The following OPRL1 variants were observed in gnomAD, a reference collection of about 807,000 sequenced individuals.
OPRL1 encodes the protein opioid related nociceptin receptor 1.
OPRL1 carries 5 observed loss-of-function variants against 15.5 expected under a neutral mutation model. The ratio of observed to expected loss-of-function variants is 0.32; its 90% CI spans 0.17 to 0.68. The LOEUF is 0.68. Among genes scored for constraint, OPRL1 ranks in the 30% least tolerant of loss-of-function variants. The pLI is 0.72. For synonymous variants in OPRL1, 223 were observed against 230.2 expected (o/e 0.97, Z 0.28); for missense variants, 406 against 515.3 (o/e 0.79, Z 2.05).
intron 3 of OPRL1, among the ~76,000 whole-genome samples, chr20:64,093,330 G>A (rs1313722324): frequency 6.7e-6 from 1 of 149,742 alleles, no homozygotes; most frequent in Non-Finnish European, 1.5e-5. Context: ...GAAGGGAGGC[G>A]CAGGGGCTGG....
chr20:64,096,671 C>T (rs976574810), intron 3 of OPRL1, among the ~76,000 whole-genome samples: 1 of 152,030 alleles, frequency 6.6e-6, no homozygotes, highest in Non-Finnish European at 1.5e-5. Context: ...GGTGCTGCTG[C>T]CACTGCCAAT....
chr20:64,092,795 G>GAGCCCCAACCACAGTCTGCTGCCCC lies in OPRL1; in HGVS notation c.76_100dup (p.Pro34GlnfsTer67). On this transcript the variant is annotated frameshift_variant, in exon 3 of 5. Coordinates refer to ENST00000336866, the MANE Select transcript of OPRL1 (RefSeq NM_182647.4). LOFTEE classifies it high-confidence loss of function. ...ACCTTCAGGGCAACCTGTCCCTCCT[G>GAGCCCCAACCACAGTCTGCTGCCCC]AGCCCCAACCACAGTCTGCTGCCCC... The GAGCCCCAACCACAGTCTGCTGCCCC allele has an allele frequency of 1.2e-6, 2 of 1,612,758 alleles. No homozygotes were observed. Among genetic ancestry groups the GAGCCCCAACCACAGTCTGCTGCCCC allele is most frequent in the Non-Finnish European group, 1.7e-6 (2 of 1,179,958 alleles).
In OPRL1 at chr20:64,092,749, G is replaced by T; in HGVS notation, c.29G>T (p.Trp10Leu). The change falls in exon 3 of 5, where the codon TGG (tryptophan) becomes TTG (leucine). Residue 10 changes from tryptophan (W) to leucine (L), a missense_variant. By Grantham distance (61) the Trp-to-Leu change is moderately conservative (BLOSUM62 -2). Transcript: ENST00000336866. ...GAGCCCCTCTTCCCCGCGCCGTTCT[G>T]GGAGGTTATCTACGGCAGCCACCTT... MEPLFPAPF[W>L]EVIYGSHLQG... The T allele has an allele frequency of 1.2e-6, 2 of 1,612,662 alleles. No individual in the cohort carries two copies. The highest frequency in any genetic ancestry group is 1.3e-5 in the African/African-American group (1 of 75,026).
intron 1 of OPRL1, among the ~76,000 whole-genome samples, chr20:64,080,857 C>A (rs1200980232): frequency 6.6e-6 from 1 of 152,200 alleles, no homozygotes; most frequent in East Asian, 1.9e-4. Context: ...AAATGCCTTC[C>A]AGTTGCACAG....
rs775233731 is a variant in OPRL1, at chr20:64,083,434, G to C, written c.-185+3082G>C. 4.3e-6 allele frequency: 7 copies of C among 1,611,092 alleles called. No individual in the cohort carries two copies. Among genetic ancestry groups the C allele is most frequent in the Non-Finnish European group, 5.9e-6 (7 of 1,179,240 alleles). On this transcript the variant is annotated intron_variant, in intron 1 of 4. Transcript: ENST00000336866. The surrounding 1 kb of genome is among the most constrained non-coding windows in gnomAD (Gnocchi z 4.9). ...GGCGCGTCGCACACTCTCAGTCGCC[G>C]TCACCGCGGGAAGATGGTGCCATCC...
At chr20:64,091,616 G>T (rs1049073701) in intron 1 of OPRL1, among the ~76,000 whole-genome samples, 6 of 152,158 alleles carry the variant, frequency 3.9e-5, no homozygotes, top group Non-Finnish European at 8.8e-5. Context: ...GAGCCCAGCT[G>T]GGGGGTCCGG....
intron 1 of OPRL1, among the ~76,000 whole-genome samples, chr20:64,084,827 C>G (rs933961472): frequency 6.6e-6 from 1 of 152,238 alleles, no homozygotes; most frequent in Non-Finnish European, 1.5e-5. Flanking sequence ...GGCAGAGCCA[C>G]GGCCAGCCCC....
At position 64,097,288 on chromosome 20, in the gene OPRL1, C is replaced by T. The variant is rs540226834; in HGVS notation, c.234-514C>T. ...CCTCCTGTCCCCCCGTCACCATTTTCGGTCTCCATTGCTAGGCAGCAGTGT... is the reference window on the plus strand; with the variant it reads ...CCTCCTGTCCCCCCGTCACCATTTTTGGTCTCCATTGCTAGGCAGCAGTGT... On this transcript the variant is annotated intron_variant, in intron 3 of 4. Coordinates refer to ENST00000336866, the MANE Select transcript of OPRL1 (RefSeq NM_182647.4). This position sits in a 1 kb window ranked among gnomAD's most constrained non-coding sequence, Gnocchi z 4.2. Among the ~76,000 whole-genome samples the T allele has an allele frequency of 4.6e-5, 7 of 152,294 alleles. No individual in the cohort carries two copies. The highest frequency in any genetic ancestry group is 8.8e-5 in the Non-Finnish European group (6 of 68,032).
chr20:64,093,170 C>A (rs1010761729), intron 3 of OPRL1, among the ~76,000 whole-genome samples: 3 of 150,536 alleles, frequency 2.0e-5, no homozygotes, highest in Non-Finnish European at 3.0e-5. Flanking sequence ...CCTGGCCCAC[C>A]GCGCTCTGTC....
At chr20:64,096,685 G>T (rs1440110923) in intron 3 of OPRL1, among the ~76,000 whole-genome samples, 1 of 151,752 alleles carries the variant, frequency 6.6e-6, no homozygotes, top group African/African-American at 2.4e-5. Flanking sequence ...TGCCAATATC[G>T]CCGCCACCAT....
Position 64,083,054 on chromosome 20 carries a change from C to G in OPRL1, c.-185+2702C>G, listed in dbSNP as rs899336350. 3.9e-5 allele frequency among the ~76,000 whole-genome samples: 6 copies of G among 152,140 alleles called. No homozygotes were observed. The highest frequency in any genetic ancestry group is 3.9e-4 in the East Asian group (2 of 5,184). Reference sequence around the variant, plus strand: ...GCCCCCTGGTGGGATGACTCGCACTCGAGACCACTGCAGCCTGAGGCTACC... The same window carrying G: ...GCCCCCTGGTGGGATGACTCGCACTGGAGACCACTGCAGCCTGAGGCTACC... On this transcript the variant is annotated intron_variant, in intron 1 of 4. Transcript: ENST00000336866. The surrounding 1 kb of genome is among the most constrained non-coding windows in gnomAD (Gnocchi z 4.9).
chr20:64,084,632 A>T (rs935086978), intron 1 of OPRL1, among the ~76,000 whole-genome samples: 1 of 152,132 alleles, frequency 6.6e-6, no homozygotes, highest in Admixed American at 6.5e-5. Flanking sequence ...GCGGTCCCCG[A>T]CAGTCAGGGT....
chr20:64,097,718 TG>T lies in OPRL1; in HGVS notation c.234-82del. 3 of 1,196,280 alleles carry T rather than the reference TG, an allele frequency of 2.5e-6. No homozygotes were observed. The highest frequency in any genetic ancestry group is 2.4e-6 in the Non-Finnish European group (2 of 827,352). 74.1% of individuals were successfully genotyped at this position (1,196,280 alleles called of 1,614,324 possible). ...GACTCAGGGCCACTGTAGCTTGTGG[TG>T]GCCAAGAGGAGCCCCTTGCCCTTTG... On this transcript the variant is annotated intron_variant, in intron 3 of 4. Transcript: ENST00000336866. This position sits in a 1 kb window ranked among gnomAD's most constrained non-coding sequence, Gnocchi z 4.2.
rs2060003574 is a variant in OPRL1 at position 64,083,834 on chromosome 20, C to CG, written c.-185+3483dup. The CG allele has an allele frequency of 1.4e-6, 2 of 1,390,236 alleles. No homozygotes were observed. Among genetic ancestry groups the CG allele is most frequent in the Non-Finnish European group, 1.9e-6 (2 of 1,078,976 alleles). 86.1% of individuals were successfully genotyped at this position (1,390,236 alleles called of 1,614,324 possible). A position where few individuals can be genotyped will look rare whatever the true frequency, so the allele number is the denominator to read the frequency against. Reference sequence around the variant, plus strand: ...TCGCCTCACCCGCATGCGGGTGTAGCGCAGCCGCAGGGCGCGGACTCGCCC... The same window carrying CG: ...TCGCCTCACCCGCATGCGGGTGTAGCGGCAGCCGCAGGGCGCGGACTCGCCC... On this transcript the variant is annotated intron_variant, in intron 1 of 4. Coordinates refer to ENST00000336866, the MANE Select transcript of OPRL1 (RefSeq NM_182647.4). This position sits in a 1 kb window ranked among gnomAD's most constrained non-coding sequence, Gnocchi z 4.9.
intron 1 of OPRL1, among the ~76,000 whole-genome samples, chr20:64,088,778 T>C (rs62218110): frequency 0.19 from 1,945 of 9,980 alleles, 236 homozygotes; most frequent in South Asian, 0.24. Flanking sequence ...GCAGGGAGGG[T>C]AGGATCTGTG....
In OPRL1 at chr20:64,092,726, G is replaced by T. The variant is rs1261607255; in HGVS notation, c.6G>T (p.Glu2Asp). 5.0e-6 allele frequency: 8 copies of T among 1,611,916 alleles called. No individual in the cohort carries two copies. The highest frequency in any genetic ancestry group is 6.8e-6 in the Non-Finnish European group (8 of 1,179,540). Residue 2 changes from glutamate (E) to aspartate (D), a missense_variant, in exon 3 of 5, where the codon GAG becomes GAT. By Grantham distance (45) the Glu-to-Asp change is conservative. Coordinates refer to ENST00000336866, the MANE Select transcript of OPRL1 (RefSeq NM_182647.4). ...TGGATTTGCAGGGCAGTGGCATGGA[G>T]CCCCTCTTCCCCGCGCCGTTCTGGG... M[E>D]PLFPAPFWEV...
rs752290833 is a variant in OPRL1 at position 64,083,370 on chromosome 20, C to T, written c.-185+3018C>T. On this transcript the variant is annotated intron_variant, in intron 1 of 4. Transcript: ENST00000336866. This position sits in a 1 kb window ranked among gnomAD's most constrained non-coding sequence, Gnocchi z 4.9. ...TGGGGAGTGGCAGCAAAAAGACCAG[C>T]GAGCCTTCGGAGAATTATAACTTTA... The T allele has an allele frequency of 1.1e-5, 18 of 1,607,140 alleles. No homozygotes were observed. The South Asian group carries it at 1.3e-4, about 12-fold the overall frequency.
chr20:64,083,574 T>C lies in OPRL1; in HGVS notation c.-185+3222T>C, dbSNP rs2059995592. The stretch of plus-strand genomic sequence containing the variant: ...CCCTTTCCCCGCCCCTACCGGGGCT[T>C]GTCTGCACCTCTTGGCGGTCCAGGG... On this transcript the variant is annotated intron_variant, in intron 1 of 4. Transcript: ENST00000336866. The surrounding 1 kb of genome is among the most constrained non-coding windows in gnomAD (Gnocchi z 4.9). The C allele has an allele frequency of 1.3e-6, 2 of 1,521,678 alleles. No individual in the cohort carries two copies. Among genetic ancestry groups the C allele is most frequent in the Non-Finnish European group, 1.8e-6 (2 of 1,134,150 alleles). 94.3% of individuals were successfully genotyped at this position (1,521,678 alleles called of 1,614,324 possible). A position where few individuals can be genotyped will look rare whatever the true frequency, so the allele number is the denominator to read the frequency against.
chr20:64,084,196 G>A (rs1418575372), intron 1 of OPRL1: 7 of 1,430,270 alleles, frequency 4.9e-6, no homozygotes, highest in Admixed American at 2.9e-5. Flanking sequence ...CCTTGCGCCC[G>A]CCCTCCTTCG....
Sources: allele counts gnomAD v4.1 joint callset (sites outside exome capture counted in the v4.1 genomes callset), GRCh38; gene constraint gnomAD v4.1.1; non-coding constraint Gnocchi (gnomAD v3.1); transcripts MANE v1.5; gene names NCBI Gene and HGNC (gene_info 2026-07-23, HGNC 2026-07-21).